The following FHOD3 variants were observed in gnomAD, a reference collection of about 807,000 sequenced individuals.
FHOD3 encodes formin homology 2 domain containing 3, also known as FH1/FH2 domain-containing protein 3.
A neutral mutation model predicts 173.0 loss-of-function variants in FHOD3; 90 were observed. That is an observed-to-expected ratio of 0.52 (90% CI 0.44 to 0.62). The LOEUF (loss-of-function observed/expected upper bound fraction) is 0.62. Among genes scored for constraint, FHOD3 ranks in the 20% least tolerant of loss-of-function variants. The pLI, the probability that FHOD3 is intolerant of heterozygous loss-of-function variation, is 0.00. For synonymous variants in FHOD3, 828 were observed against 823.0 expected (o/e 1.01, Z -0.10); for missense variants, 1,945 against 2,034.7 (o/e 0.96, Z 0.85).
intron 3 of FHOD3, among the ~76,000 whole-genome samples, chr18:36,431,850 TATG>T (rs1323809244): frequency 2.0e-5 from 3 of 152,136 alleles, no homozygotes; most frequent in Non-Finnish European, 4.4e-5. Context: ...TGAATGTAAT[TATG>T]ATGAGAAAAT....
At chr18:36,578,121 G>A (rs1016871112) in intron 6 of FHOD3, among the ~76,000 whole-genome samples, 12 of 152,076 alleles carry the variant, frequency 7.9e-5, no homozygotes, top group African/African-American at 2.9e-4. Context: ...AGCTTTGTAG[G>A]GTCCCTGAAA....
chr18:36,488,988 G>T (rs1446807667), intron 3 of FHOD3, among the ~76,000 whole-genome samples: 6 of 152,206 alleles, frequency 3.9e-5, no homozygotes, highest in African/African-American at 1.4e-4. Context: ...GGAGAATGGG[G>T]TGCTTAGCAG....
intron 3 of FHOD3, among the ~76,000 whole-genome samples, chr18:36,459,910 T>G (rs1599212496): frequency 1.3e-5 from 2 of 152,276 alleles, no homozygotes; most frequent in African/African-American, 4.8e-5. Flanking sequence ...CACATTACAA[T>G]GAGTTGTCAC....
At chr18:36,358,624 T>C (rs1341150030) in intron 2 of FHOD3, among the ~76,000 whole-genome samples, 2 of 152,212 alleles carry the variant, frequency 1.3e-5, no homozygotes, top group Non-Finnish European at 2.9e-5. Flanking sequence ...CAGAGGAAGG[T>C]AGCCCAAAAG....
intron 16 of FHOD3, among the ~76,000 whole-genome samples, chr18:36,689,537 G>C (rs145963041): frequency 7.0e-4 from 107 of 152,310 alleles, no homozygotes; most frequent in African/African-American, 2.3e-3. Flanking sequence ...TGCAGACCAG[G>C]AGTAAGTTTC....
intron 3 of FHOD3, among the ~76,000 whole-genome samples, chr18:36,494,468 T>C (rs1052787049): frequency 6.6e-6 from 1 of 152,268 alleles, no homozygotes; most frequent in African/African-American, 2.4e-5. Context: ...TAATTGCATT[T>C]ACTCAAAGGC....
chr18:36,352,245 A>G (rs2145703941), intron 1 of FHOD3, among the ~76,000 whole-genome samples: 1 of 152,146 alleles, frequency 6.6e-6, no homozygotes, highest in African/African-American at 2.4e-5. Context: ...CCCCCCTGCT[A>G]CAAAAAAATA....
At chr18:36,649,426 C>G in intron 11 of FHOD3, 21 bp downstream of exon 11, 1 of 1,519,990 alleles carries the variant, frequency 6.6e-7, no homozygotes. Flanking sequence ...CTGGAGCCTC[C>G]CAAGCTCACA....
At chr18:36,596,406 G>A (rs12963480) in intron 7 of FHOD3, among the ~76,000 whole-genome samples, 94,289 of 143,384 alleles carry the variant, frequency 0.66, 31,186 homozygotes, top group East Asian at 0.91. Context: ...CACGGTCTCA[G>A]TCTCCTGACC....
chr18:36,403,145 C>G (rs1358188280), intron 3 of FHOD3, among the ~76,000 whole-genome samples: 1 of 152,162 alleles, frequency 6.6e-6, no homozygotes, highest in African/African-American at 2.4e-5. Context: ...CCAGCCCAGC[C>G]AGGAAAGCCC....
intron 3 of FHOD3, among the ~76,000 whole-genome samples, chr18:36,410,045 A>G (rs1196891307): frequency 6.6e-6 from 1 of 152,230 alleles, no homozygotes; most frequent in African/African-American, 2.4e-5. Context: ...TCACTCACCT[A>G]AAGTGTCTGA....
Position 36,649,325 on chromosome 18 carries a change from G to C in FHOD3, c.1206G>C (p.Glu402Asp). 6.5e-7 allele frequency: 1 copy of C among 1,535,770 alleles called. No homozygotes were observed. The change falls in exon 11 of 29, where the codon GAG (glutamate) becomes GAC (aspartate). Residue 402 changes from glutamate to aspartate, a missense_variant. Glu to Asp is a conservative substitution (Grantham distance 45). Around this residue, in one of 5 missense-constraint regions of FHOD3, gnomAD observed 1,099 missense variants for 1,051.2 expected, o/e 1.05. Coordinates refer to ENST00000590592, the MANE Select transcript of FHOD3 (RefSeq NM_001281740.3). ...QVRDLREKEE[E>D]EEEEQPITEP... is the part of the protein sequence containing the mutation. ...CCTGGCTTTGTCTCAGGGAGGAGGAGGAGGAAGAGGAGCAGCCAATCACGG... is the reference window on the plus strand; with the variant it reads ...CCTGGCTTTGTCTCAGGGAGGAGGACGAGGAAGAGGAGCAGCCAATCACGG...
intron 7 of FHOD3, among the ~76,000 whole-genome samples, chr18:36,602,330 G>T (rs760055819): frequency 2.0e-5 from 3 of 152,086 alleles, no homozygotes; most frequent in Non-Finnish European, 4.4e-5. Context: ...TACTTACCAA[G>T]AGTTTTCTAA....
intron 1 of FHOD3, among the ~76,000 whole-genome samples, chr18:36,302,952 G>A (rs512893): frequency 0.28 from 43,122 of 152,090 alleles, 7,379 homozygotes; most frequent in Non-Finnish European, 0.39. Context: ...GGGTCAGTTG[G>A]CTTTGTTTCA....
intron 25 of FHOD3, among the ~76,000 whole-genome samples, chr18:36,758,745 G>A (rs575355187): frequency 1.8e-4 from 28 of 152,338 alleles, no homozygotes; most frequent in African/African-American, 6.3e-4. Flanking sequence ...ATAAGGATGT[G>A]GCCAGCCAAG....
At position 36,649,409 on chromosome 18, in the gene FHOD3, C is replaced by T. The variant is rs997278842; in HGVS notation, c.1286+4C>T. ...CTTCCTGTCAGGGCAAGGACAGGTA[C>T]CTAGGACTGGAGCCTCCCAAGCTCA... On this transcript the variant is annotated splice_donor_region_variant and intron_variant, in intron 11 of 28. Coordinates refer to ENST00000590592, the MANE Select transcript of FHOD3 (RefSeq NM_001281740.3). 1.3e-6 allele frequency: 2 copies of T among 1,533,696 alleles called. No homozygotes were observed. Among genetic ancestry groups the T allele is most frequent in the African/African-American group, 1.4e-5 (1 of 72,928 alleles).
At chr18:36,330,523 G>T (rs2044932859) in intron 1 of FHOD3, among the ~76,000 whole-genome samples, 1 of 152,180 alleles carries the variant, frequency 6.6e-6, no homozygotes, top group South Asian at 2.1e-4. Flanking sequence ...AGCCTCTGGG[G>T]ATGGGCTTTG....
At chr18:36,311,979 A>G (rs575217700) in intron 1 of FHOD3, among the ~76,000 whole-genome samples, 2 of 152,292 alleles carry the variant, frequency 1.3e-5, no homozygotes, top group South Asian at 4.1e-4. Flanking sequence ...CCCTGGGCCC[A>G]GCTGTCCTTC....
chr18:36,443,758 T>C (rs1473516726), intron 3 of FHOD3, among the ~76,000 whole-genome samples: 2 of 152,196 alleles, frequency 1.3e-5, no homozygotes, highest in Non-Finnish European at 2.9e-5. Flanking sequence ...GCATATTTAC[T>C]TTCCTGTCTC....
Sources: gnomAD v4.1 joint callset for allele counts (sites outside exome capture counted in the v4.1 genomes callset) on GRCh38, gnomAD v4.1.1 for gene constraint, gnomAD v4.1.1 regional missense constraint, MANE v1.5 for transcripts, NCBI Gene and HGNC (gene_info 2026-07-23, HGNC 2026-07-21) for gene names.